The following KIF6 variants were observed in gnomAD, a reference collection of about 807,000 sequenced individuals.
The protein encoded by KIF6 is kinesin-like protein KIF6.
A neutral mutation model predicts 112.7 loss-of-function variants in KIF6; 106 were observed. The observed-to-expected ratio is 0.94, with a 90% CI of 0.80 to 1.11. The LOEUF (loss-of-function observed/expected upper bound fraction) is 1.11, where lower values mean the gene tolerates loss of function less well. KIF6 is among the 50% of genes least tolerant of loss of function. KIF6 has a pLI of 0.00. For synonymous variants in KIF6, 339 were observed against 339.9 expected (o/e 1.00, Z 0.03); for missense variants, 929 against 964.0 (o/e 0.96, Z 0.48).
chr6:39,382,040 TG>T (rs1339064164), intron 16 of KIF6, among the ~76,000 whole-genome samples: 1 of 152,224 alleles, frequency 6.6e-6, no homozygotes, highest in Non-Finnish European at 1.5e-5. Flanking sequence ...GGGTGGGGAC[TG>T]GGCAGCAGAG....
intron 3 of KIF6, among the ~76,000 whole-genome samples, chr6:39,668,657 G>C (rs1786624569): frequency 6.6e-6 from 1 of 152,072 alleles, no homozygotes; most frequent in African/African-American, 2.4e-5. Context: ...CAGAACCCCA[G>C]GCCATCTCAT....
At chr6:39,497,544 C>T (rs1036994179) in intron 13 of KIF6, among the ~76,000 whole-genome samples, 5 of 152,156 alleles carry the variant, frequency 3.3e-5, no homozygotes, top group African/African-American at 1.2e-4. Flanking sequence ...TAGCACAAAG[C>T]CCAGTGTTCA....
chr6:39,662,847 C>T (rs1786242618), intron 3 of KIF6, among the ~76,000 whole-genome samples: 1 of 152,110 alleles, frequency 6.6e-6, no homozygotes, highest in Non-Finnish European at 1.5e-5. Flanking sequence ...AATACGCGTC[C>T]ACATGGAGTT....
chr6:39,580,938 A>C (rs1781252673), intron 9 of KIF6, among the ~76,000 whole-genome samples: 1 of 152,104 alleles, frequency 6.6e-6, no homozygotes, highest in African/African-American at 2.4e-5. Flanking sequence ...CTAGTGATAG[A>C]TTACTTTGAA....
intron 11 of KIF6, 119 bp from the exon 12 acceptor site, chr6:39,544,812 C>CA: frequency 1.9e-6 from 1 of 523,846 alleles, no homozygotes; most frequent in Non-Finnish European, 3.3e-6. Context: ...CTGTCTGATG[C>CA]AGGTGCGATG....
At chr6:39,587,122 T>C (rs12175102) in intron 7 of KIF6, among the ~76,000 whole-genome samples, 16,644 of 152,122 alleles carry the variant, frequency 0.11, 1,678 homozygotes, top group East Asian at 0.29. Context: ...AGGAAGGTAC[T>C]AGATAGATGG....
intron 10 of KIF6, among the ~76,000 whole-genome samples, chr6:39,574,308 T>C (rs1451329123): frequency 2.6e-5 from 4 of 152,254 alleles, no homozygotes; most frequent in African/African-American, 7.2e-5. Flanking sequence ...TATACTTTAC[T>C]GCATTTTTCT....
At chr6:39,410,987 C>T (rs1769434439) in intron 15 of KIF6, among the ~76,000 whole-genome samples, 1 of 152,208 alleles carries the variant, frequency 6.6e-6, no homozygotes, top group Non-Finnish European at 1.5e-5. Context: ...GCAGCACATG[C>T]TTAAGCCTGC....
rs376939652 is a variant in KIF6, at chr6:39,584,953, C to G, written c.1022G>C (p.Arg341Pro). ...AGCTTCATTCTTTATGAGTGCCACTCGCTGTGCAAATCTGCAGGTTGATAT... is the reference window on the plus strand; with the variant it reads ...AGCTTCATTCTTTATGAGTGCCACTGGCTGTGCAAATCTGCAGGTTGATAT... Reference protein sequence around the residue: ...ESISTCRFAQRVALIKNEAVL... With the variant: ...ESISTCRFAQPVALIKNEAVL... The change falls in exon 9 of 23, where the codon CGA becomes CCA. Residue 341 changes from arginine (R) to proline (P), a missense_variant. By Grantham distance (103) the Arg-to-Pro change is moderately radical (BLOSUM62 -2). Coordinates refer to ENST00000287152, the MANE Select transcript of KIF6 (RefSeq NM_145027.6). 6.2e-7 allele frequency: 1 copy of G among 1,612,062 alleles called. No homozygotes were observed. Among genetic ancestry groups the G allele is most frequent in the South Asian group, 1.1e-5 (1 of 90,868 alleles).
At chr6:39,417,094 C>T (rs1769972513) in intron 15 of KIF6, among the ~76,000 whole-genome samples, 1 of 152,186 alleles carries the variant, frequency 6.6e-6, no homozygotes, top group Non-Finnish European at 1.5e-5. Context: ...TGCACTCACT[C>T]ATATCCTAAA....
intron 15 of KIF6, among the ~76,000 whole-genome samples, chr6:39,395,513 A>G (rs915858459): frequency 6.6e-6 from 1 of 152,234 alleles, no homozygotes; most frequent in Non-Finnish European, 1.5e-5. Context: ...AAAGGGGGAT[A>G]TAACCAGCTT....
In KIF6 at chr6:39,393,264, G is replaced by A. The variant is rs539452802; in HGVS notation, c.1811-7592C>T. 9.8e-5 allele frequency among the ~76,000 whole-genome samples: 15 copies of A among 152,338 alleles called. No homozygotes were observed. The East Asian group carries it at 1.7e-3, about 18-fold the overall frequency. On this transcript the variant is annotated intron_variant, in intron 15 of 22. Coordinates refer to ENST00000287152, the MANE Select transcript of KIF6 (RefSeq NM_145027.6). ...AAGAACTCAACTGAGGCAGCCAAGC[G>A]TGGAGGGTGAGTGCGTGGACTCTGG...
rs75943219 is a variant in KIF6 at position 39,660,480 on chromosome 6, G to A, written c.252-20723C>T. ...CTAGTTGTGTTGTCAATGTCCCTTC[G>A]GAGGTTTTGAAGTTATAGCTTGCTA... is the stretch of plus-strand genomic sequence containing the variant. On this transcript the variant is annotated intron_variant, in intron 3 of 22. Transcript: ENST00000287152. Among the ~76,000 whole-genome samples, 262 of 152,218 alleles carry A rather than the reference G, an allele frequency of 1.7e-3. 6 individuals carry two copies. In the East Asian group the frequency reaches 0.037, roughly 22 times the overall value.
chr6:39,634,438 T>G (rs1336215279), intron 5 of KIF6, among the ~76,000 whole-genome samples: 2 of 152,164 alleles, frequency 1.3e-5, no homozygotes, highest in Non-Finnish European at 2.9e-5. Flanking sequence ...AATGTTATTT[T>G]CTCTGTCTCA....
intron 13 of KIF6, among the ~76,000 whole-genome samples, chr6:39,438,485 CTG>C (rs1771703386): frequency 6.6e-6 from 1 of 151,614 alleles, no homozygotes; most frequent in Non-Finnish European, 1.5e-5. Context: ...GGTCCTGACA[CTG>C]TGTCTTCATT....
In KIF6 at chr6:39,639,623, T is replaced by C. The variant is rs770934907; in HGVS notation, c.386A>G (p.Glu129Gly). The C allele has an allele frequency of 2.5e-6, 4 of 1,587,776 alleles. No homozygotes were observed. The African/African-American group carries it at 5.4e-5, about 22-fold the overall frequency. ...AAAGTTTCATACCTTTTGTAACTGT[T>C]CAAAAATGTATGACAGTGTCCTTGG... ...IIPRTLSYIF[E>G]QLQKDSSKIY... Residue 129 changes from glutamate (E) to glycine (G), a missense_variant, in exon 4 of 23, where the codon GAA becomes GGA. Glu to Gly is a moderately conservative substitution (Grantham distance 98). Coordinates refer to ENST00000287152, the MANE Select transcript of KIF6 (RefSeq NM_145027.6).
intron 13 of KIF6, among the ~76,000 whole-genome samples, chr6:39,513,742 T>C (rs535949275): frequency 1.3e-5 from 2 of 152,282 alleles, no homozygotes; most frequent in East Asian, 3.9e-4. Flanking sequence ...TCCCCTGGCA[T>C]TGCAACATGC....
chr6:39,485,626 C>G (rs1174998958), intron 13 of KIF6, among the ~76,000 whole-genome samples: 1 of 152,090 alleles, frequency 6.6e-6, no homozygotes, highest in Non-Finnish European at 1.5e-5. Context: ...TGCCTTTCCC[C>G]AAAGATTCTC....
At chr6:39,504,476 A>G (rs1776325950) in intron 13 of KIF6, among the ~76,000 whole-genome samples, 1 of 152,246 alleles carries the variant, frequency 6.6e-6, no homozygotes, top group African/African-American at 2.4e-5. Context: ...CCTATTCAAC[A>G]TAGTATTGGA....
Sources: allele counts gnomAD v4.1 joint callset (sites outside exome capture counted in the v4.1 genomes callset), GRCh38; gene constraint gnomAD v4.1.1; transcripts MANE v1.5; gene names NCBI Gene and HGNC (gene_info 2026-07-23, HGNC 2026-07-21).